The following TRIM59 variants were observed in gnomAD, a reference collection of about 807,000 sequenced individuals.
The protein encoded by TRIM59 is tripartite motif-containing protein 59.
Under a neutral mutation model 32.2 loss-of-function variants are expected in TRIM59, and 14 were observed. That is an observed-to-expected ratio of 0.43 (90% CI 0.29 to 0.68). The LOEUF (loss-of-function observed/expected upper bound fraction) is 0.68, where lower values mean the gene tolerates loss of function less well. TRIM59 is among the 30% of genes least tolerant of loss of function. The pLI is 0.15. For synonymous variants in TRIM59, 163 were observed against 155.1 expected (o/e 1.05, Z -0.38); for missense variants, 471 against 463.3 (o/e 1.02, Z -0.15).
intron 2 of TRIM59, among the ~76,000 whole-genome samples, chr3:160,442,110 T>C (rs1719284985): frequency 6.6e-6 from 1 of 152,214 alleles, no homozygotes; most frequent in Admixed American, 6.5e-5. Context: ...ATTTGAGCAG[T>C]CGACGTACAT....
Position 160,437,014 on chromosome 3 carries a change from C to A in TRIM59, c.*958G>T, listed in dbSNP as rs1423553143. 15 of 983,870 alleles carry A rather than the reference C, an allele frequency of 1.5e-5. No homozygotes were observed. Among genetic ancestry groups the A allele is most frequent in the Middle Eastern group, 5.2e-4 (1 of 1,936 alleles). The allele number at this position is 983,870 out of a possible 1,614,324, so 60.9% of individuals were successfully genotyped here. A position where few individuals can be genotyped will look rare whatever the true frequency, so the allele number is the denominator to read the frequency against. ...TTTGACTGACGAGCAGAAAAAAAAA[C>A]AATCTTAAATTTGCACAAACTATAG... On this transcript the variant is annotated 3_prime_UTR_variant, in exon 3 of 3. Transcript: ENST00000309784.
chr3:160,437,462 A>C lies in TRIM59; in HGVS notation c.*510T>G. ...TAGGGCTCTTAAATCTATCTCAAAC[A>C]CAGGTATGTTTGATCAAAAGATCTT... On this transcript the variant is annotated 3_prime_UTR_variant, in exon 3 of 3. Transcript: ENST00000309784. The C allele has an allele frequency of 3.0e-6, 3 of 985,378 alleles. No homozygotes were observed. Among genetic ancestry groups the C allele is most frequent in the Non-Finnish European group, 3.6e-6 (3 of 829,874 alleles). 61.0% of individuals were successfully genotyped at this position (985,378 alleles called of 1,614,324 possible).
chr3:160,437,418 G>A lies in TRIM59; in HGVS notation c.*554C>T. The A allele has an allele frequency of 1.0e-6, 1 of 985,418 alleles. No homozygotes were observed. The highest frequency in any genetic ancestry group is 1.2e-6 in the Non-Finnish European group (1 of 829,924). The allele number at this position is 985,418 out of a possible 1,614,324, so 61.0% of individuals were successfully genotyped here. On this transcript the variant is annotated 3_prime_UTR_variant, in exon 3 of 3. Transcript: ENST00000309784. ...TCCAAAAGCAATAGTTTTATTTGGAGTGAATGGTGATAAGCATTTAGGGCT... is the reference window on the plus strand; with the variant it reads ...TCCAAAAGCAATAGTTTTATTTGGAATGAATGGTGATAAGCATTTAGGGCT...
Position 160,435,982 on chromosome 3 carries a change from T to G in TRIM59, c.*1990A>C. On this transcript the variant is annotated 3_prime_UTR_variant, in exon 3 of 3. Coordinates refer to ENST00000309784, the MANE Select transcript of TRIM59 (RefSeq NM_173084.3). ...GGCTAACATTTCATTGCTTACGTGT[T>G]TTTGAAACTACAGGGCACTTTTATG... The G allele has an allele frequency of 7.9e-7, 1 of 1,268,816 alleles. No individual in the cohort carries two copies. The highest frequency in any genetic ancestry group is 1.0e-6 in the Non-Finnish European group (1 of 979,892). 78.6% of individuals were successfully genotyped at this position (1,268,816 alleles called of 1,614,324 possible).
intron 1 of TRIM59, 151 bp downstream of exon 1, chr3:160,449,566 A>T: frequency 7.8e-7 from 1 of 1,287,354 alleles, no homozygotes; most frequent in Non-Finnish European, 1.0e-6. Context: ...ATGGGACAAG[A>T]GGGAATGAGT....
At chr3:160,443,418 ACT>A (rs1284358348) in intron 2 of TRIM59, among the ~76,000 whole-genome samples, 1 of 152,166 alleles carries the variant, frequency 6.6e-6, no homozygotes, top group Non-Finnish European at 1.5e-5. Flanking sequence ...GGAAATTAAA[ACT>A]CTATACCTAG....
intron 2 of TRIM59, among the ~76,000 whole-genome samples, chr3:160,447,364 T>TA (rs1463275560): frequency 6.6e-6 from 1 of 152,138 alleles, no homozygotes; most frequent in East Asian, 1.9e-4. Context: ...AATATTAATA[T>TA]AAAAAAATGA....
At chr3:160,444,310 G>C (rs533112303) in intron 2 of TRIM59, among the ~76,000 whole-genome samples, 86 of 152,210 alleles carry the variant, frequency 5.7e-4, no homozygotes, top group African/African-American at 2.0e-3. Context: ...CTTCTAGAGG[G>C]AAAGAATCTG....
chr3:160,440,558 C>T (rs1719189217), intron 2 of TRIM59, among the ~76,000 whole-genome samples: 1 of 152,146 alleles, frequency 6.6e-6, no homozygotes. Context: ...TAGCTTACCC[C>T]TTGATAGAGA....
At chr3:160,439,209 T>C (rs760023994) in intron 2 of TRIM59, 23 bp from the exon 3 acceptor site, 1 of 1,486,110 alleles carries the variant, frequency 6.7e-7, no homozygotes. Flanking sequence ...AAATGTATTT[T>C]AAGTTTACAT....
Position 160,449,716 on chromosome 3 carries a change from C to T in TRIM59, c.-74+1G>A. On this transcript the variant is annotated splice_donor_variant, in intron 1 of 2. Coordinates refer to ENST00000309784, the MANE Select transcript of TRIM59 (RefSeq NM_173084.3). LOFTEE classifies it low-confidence loss of function (5UTR_SPLICE). ...GCATCCGTAAAGGTCCTTAGACTCA[C>T]CGCGGGGAGGAAGCGGACCAGGCAA... is the stretch of plus-strand genomic sequence containing the variant. The T allele has an allele frequency of 1.6e-6, 2 of 1,288,522 alleles. No individual in the cohort carries two copies. Among genetic ancestry groups the T allele is most frequent in the Non-Finnish European group, 2.0e-6 (2 of 987,552 alleles). 79.8% of individuals were successfully genotyped at this position (1,288,522 alleles called of 1,614,324 possible).
At chr3:160,448,835 AT>A in intron 1 of TRIM59, 40 bp from the exon 2 acceptor site, 1 of 1,059,570 alleles carries the variant, frequency 9.4e-7, no homozygotes, top group Non-Finnish European at 1.2e-6. Context: ...TTTTCAATTT[AT>A]TGTCTCATGT....
chr3:160,449,440 C>G, intron 1 of TRIM59: 1 of 1,162,920 alleles, frequency 8.6e-7, no homozygotes, highest in Non-Finnish European at 1.1e-6. Flanking sequence ...CCCCGCGGGA[C>G]TGACCGACTC....
intron 2 of TRIM59, among the ~76,000 whole-genome samples, chr3:160,439,512 C>T (rs1461375381): frequency 2.0e-5 from 3 of 152,160 alleles, no homozygotes; most frequent in African/African-American, 7.2e-5. Flanking sequence ...CAAATCTCAT[C>T]TTGAATTGTA....
At chr3:160,439,216 A>C (rs767651769) in intron 2 of TRIM59, 30 bp from the exon 3 acceptor site, 1 of 1,482,570 alleles carries the variant, frequency 6.7e-7, no homozygotes, top group East Asian at 2.3e-5. Context: ...TTTTAAGTTT[A>C]CATAGAGACA....
rs1415817154 is a variant in TRIM59 at position 160,438,986 on chromosome 3, A to G, written c.198T>C (p.Ala66=). Residue 66 remains alanine (A), a synonymous_variant, in exon 3 of 3, where the codon GCT becomes GCC. Coordinates refer to ENST00000309784, the MANE Select transcript of TRIM59 (RefSeq NM_173084.3). ...CAGGTAAAGATTCAATGCCAGTTGG[A>G]GCAATTTCAGTAATACTTCTGCAAT... is the stretch of plus-strand genomic sequence containing the variant. ...CPNCRSITEI[A]PTGIESLPVN... 1.5e-5 allele frequency: 25 copies of G among 1,613,948 alleles called. No homozygotes were observed. Among genetic ancestry groups the G allele is most frequent in the Non-Finnish European group, 2.1e-5 (25 of 1,179,982 alleles).
At chr3:160,444,039 G>A (rs1347482840) in intron 2 of TRIM59, among the ~76,000 whole-genome samples, 3 of 152,000 alleles carry the variant, frequency 2.0e-5, no homozygotes, top group Admixed American at 6.5e-5. Flanking sequence ...TGAAAAGAGA[G>A]GAAATATTAA....
In TRIM59 at chr3:160,439,004, T is replaced by G. The variant is rs1439847001; in HGVS notation, c.180A>C (p.Arg60Ser). The stretch of plus-strand genomic sequence containing the variant: ...CAGTTGGAGCAATTTCAGTAATACT[T>G]CTGCAATTAGGGCACTTGAGTGGAA... ...LRIPLKCPNCRSITEIAPTGI... is the reference protein window; with the variant it reads ...LRIPLKCPNCSSITEIAPTGI... The change falls in exon 3 of 3, where the codon AGA becomes AGC. Residue 60 changes from arginine (R) to serine (S), a missense_variant. By Grantham distance (110) the Arg-to-Ser change is moderately radical. Transcript: ENST00000309784. The G allele has an allele frequency of 6.2e-7, 1 of 1,613,560 alleles. No individual in the cohort carries two copies. The highest frequency in any genetic ancestry group is 2.2e-5 in the East Asian group (1 of 44,864).
intron 2 of TRIM59, among the ~76,000 whole-genome samples, chr3:160,448,358 A>C (rs1318037678): frequency 1.8e-4 from 28 of 152,236 alleles, no homozygotes; most frequent in Admixed American, 1.7e-3. Flanking sequence ...CTCATTTAAA[A>C]AGACCAATAC....
Sources: allele counts gnomAD v4.1 joint callset (sites outside exome capture counted in the v4.1 genomes callset), GRCh38; gene constraint gnomAD v4.1.1; transcripts MANE v1.5; gene names NCBI Gene and HGNC (gene_info 2026-07-23, HGNC 2026-07-21).